The following MPDZ variants were observed in gnomAD, a reference collection of about 807,000 sequenced individuals.
MPDZ encodes multiple PDZ domain protein.
Under a neutral mutation model 239.1 loss-of-function variants are expected in MPDZ, and 234 were observed. That is an observed-to-expected ratio of 0.98 (90% CI 0.88 to 1.09). The LOEUF (loss-of-function observed/expected upper bound fraction) is 1.09, where lower values mean the gene tolerates loss of function less well. Ranked by LOEUF, MPDZ falls within the 50% of genes least tolerant of loss-of-function variation. The pLI is 0.00. For synonymous variants in MPDZ, 1,048 were observed against 881.3 expected (o/e 1.19, Z -3.35); for missense variants, 3,175 against 2,510.0 (o/e 1.26, Z -5.66).
intron 27 of MPDZ, among the ~76,000 whole-genome samples, chr9:13,141,146 A>C (rs762582285): frequency 1.4e-4 from 21 of 152,126 alleles, no homozygotes; most frequent in Non-Finnish European, 2.2e-4. Context: ...TATATTGCAA[A>C]AATAATTGCA....
Position 13,115,288 on chromosome 9 carries a change from C to A in MPDZ, c.5426G>T (p.Gly1809Val), listed in dbSNP as rs1291380186. Residue 1809 changes from glycine (G) to valine (V), a missense_variant, in exon 40 of 47, where the codon GGT (glycine) becomes GTT (valine). Physicochemically the swap from Gly to Val is moderately radical, Grantham distance 109. Transcript: ENST00000319217. Reference protein sequence around the residue: ...VTLEVGRIKAGPFHSERRPSQ... With the variant: ...VTLEVGRIKAVPFHSERRPSQ... ...TGGCCTCCTCTCTGAATGGAATGGA[C>A]CAGCTTTGATTCTTCCAACTTCCAA... 19 of 1,612,618 alleles carry A rather than the reference C, an allele frequency of 1.2e-5. No individual in the cohort carries two copies. Among genetic ancestry groups the A allele is most frequent in the Middle Eastern group, 1.6e-4 (1 of 6,084 alleles).
rs1043070195 is a variant in MPDZ, at chr9:13,274,511, T to C, written c.-58+4889A>G. On this transcript the variant is annotated intron_variant, in intron 1 of 46. Coordinates refer to ENST00000319217, the MANE Select transcript of MPDZ (RefSeq NM_001378778.1). ...AGGCCAGAAGAAAAAAAGTAAGAGT[T>C]TGTCTCCTTTTATTTATTTATTTAT... 10 of 152,048 alleles carry C rather than the reference T, an allele frequency of 6.6e-5. 1 individual carries two copies. The highest frequency in any genetic ancestry group is 1.3e-4 in the Admixed American group (2 of 15,260). 9.4% of individuals were successfully genotyped at this position (152,048 alleles called of 1,614,324 possible). A position where few individuals can be genotyped will look rare whatever the true frequency, so the allele number is the denominator to read the frequency against.
At chr9:13,265,633 T>C (rs1971626912) in intron 1 of MPDZ, among the ~76,000 whole-genome samples, 1 of 152,162 alleles carries the variant, frequency 6.6e-6, no homozygotes, top group South Asian at 2.1e-4. Flanking sequence ...CCCAGAAATA[T>C]AGTTGGCAGC....
At chr9:13,173,612 T>C (rs888979984) in intron 21 of MPDZ, among the ~76,000 whole-genome samples, 3 of 151,018 alleles carry the variant, frequency 2.0e-5, no homozygotes, top group Admixed American at 6.6e-5. Context: ...CTGAGAGGGA[T>C]GAGAATTGCT....
In MPDZ at chr9:13,216,645, T is replaced by C. The variant is rs573699673; in HGVS notation, c.1290+129A>G. The C allele has an allele frequency of 6.9e-4, 397 of 573,212 alleles. 1 individual carries two copies. The highest frequency in any genetic ancestry group is 2.3e-3 in the Admixed American group (68 of 30,182). The allele number at this position is 573,212 out of a possible 1,614,324, so 35.5% of individuals were successfully genotyped here. A position where few individuals can be genotyped will look rare whatever the true frequency, so the allele number is the denominator to read the frequency against. On this transcript the variant is annotated intron_variant, in intron 10 of 46. Coordinates refer to ENST00000319217, the MANE Select transcript of MPDZ (RefSeq NM_001378778.1). Reference sequence around the variant, plus strand: ...ATAATAGAAAGGGTAATTGTAATAATAGCCTCAAGTCACCAAAAAAGCTTA... The same window carrying C: ...ATAATAGAAAGGGTAATTGTAATAACAGCCTCAAGTCACCAAAAAAGCTTA...
At chr9:13,199,287 A>C (rs1956095512) in intron 12 of MPDZ, among the ~76,000 whole-genome samples, 1 of 151,834 alleles carries the variant, frequency 6.6e-6, no homozygotes, top group Admixed American at 6.6e-5. Context: ...AAATGGGATC[A>C]CTTTCTTGAT....
chr9:13,167,351 T>C (rs1435503498), intron 22 of MPDZ, among the ~76,000 whole-genome samples: 2 of 152,090 alleles, frequency 1.3e-5, no homozygotes, highest in Admixed American at 6.6e-5. Flanking sequence ...TGAAAGCCCA[T>C]TAGTGAAGAT....
At chr9:13,136,565 A>T (rs10809908) in intron 30 of MPDZ, 147 bp downstream of exon 30, 210,948 of 592,310 alleles carry the variant, frequency 0.36, 39,884 homozygotes, top group African/African-American at 0.56. Flanking sequence ...TGACCTCATG[A>T]TCCGCCCGCC....
At chr9:13,147,410 A>C in intron 26 of MPDZ, 138 bp downstream of exon 26, 1 of 622,388 alleles carries the variant, frequency 1.6e-6, no homozygotes. Flanking sequence ...CTGAGAAAGC[A>C]AAACAAACTT....
chr9:13,132,804 CTCA>C (rs1946200754), intron 32 of MPDZ, among the ~76,000 whole-genome samples: 1 of 152,118 alleles, frequency 6.6e-6, no homozygotes, highest in Admixed American at 6.6e-5. Context: ...AAGTCACAGT[CTCA>C]TAGATAGTGA....
chr9:13,160,871 A>ATATATATAT (rs1950401710), intron 23 of MPDZ, among the ~76,000 whole-genome samples: 7 of 25,610 alleles, frequency 2.7e-4, no homozygotes, highest in Non-Finnish European at 3.8e-4. Context: ...TATATATATA[A>ATATATATAT]AACAGGTACT....
chr9:13,188,041 C>G (rs1234199116), intron 17 of MPDZ, among the ~76,000 whole-genome samples: 1 of 152,128 alleles, frequency 6.6e-6, no homozygotes, highest in Non-Finnish European at 1.5e-5. Flanking sequence ...TTGAAGTCAA[C>G]TGAATTTAGC....
chr9:13,117,755 T>A (rs1943699252), intron 39 of MPDZ, among the ~76,000 whole-genome samples: 2 of 152,004 alleles, frequency 1.3e-5, no homozygotes, highest in South Asian at 4.1e-4. Context: ...AATGAACAAT[T>A]ACTAATAAAA....
chr9:13,219,872 A>G (rs1380902205), intron 7 of MPDZ, 104 bp from the exon 8 acceptor site: 2 of 1,051,106 alleles, frequency 1.9e-6, no homozygotes, highest in Non-Finnish European at 2.8e-6. Context: ...AATATGAGTT[A>G]CCAATCAGGA....
At chr9:13,274,757 G>C (rs1362180381) in intron 1 of MPDZ, 1 of 151,974 alleles carries the variant, frequency 6.6e-6, no homozygotes, top group Non-Finnish European at 1.5e-5. Flanking sequence ...AAGACAGACA[G>C]TTTTTAGATC....
chr9:13,137,397 T>C (rs918958577), intron 29 of MPDZ, among the ~76,000 whole-genome samples: 5 of 152,080 alleles, frequency 3.3e-5, no homozygotes, highest in Non-Finnish European at 7.4e-5. Flanking sequence ...GAGAAGAGTA[T>C]AAAGGCAGTA....
rs1322779284 is a variant in MPDZ, at chr9:13,205,994, G to A, written c.1396C>T (p.Gln466Ter). ...LLTLMRRGMK[Q>*]EAELMSREDV... is the part of the protein sequence containing the mutation. ...TCCCTTGACATGAGCTCGGCTTCCT[G>A]CTTCATTCCTCTCCTCATTAGTGTC... The change falls in exon 11 of 47, where the codon CAG (glutamine) becomes TAG (stop). Residue 466 changes from glutamine to a stop codon, truncating the protein, a stop_gained. Coordinates refer to ENST00000319217, the MANE Select transcript of MPDZ (RefSeq NM_001378778.1). LOFTEE classifies it high-confidence loss of function. 2 of 1,612,028 alleles carry A rather than the reference G, an allele frequency of 1.2e-6. No individual in the cohort carries two copies. The highest frequency in any genetic ancestry group is 1.1e-5 in the South Asian group (1 of 90,744).
At chr9:13,215,214 G>C (rs1039236616) in intron 10 of MPDZ, among the ~76,000 whole-genome samples, 1 of 151,750 alleles carries the variant, frequency 6.6e-6, no homozygotes, top group African/African-American at 2.4e-5. Context: ...AAATCGTACA[G>C]TATTTGTCTT....
Position 13,168,423 on chromosome 9 carries a change from G to C in MPDZ, c.3197C>G (p.Thr1066Ser), listed in dbSNP as rs752113225. 3 of 1,613,472 alleles carry C rather than the reference G, an allele frequency of 1.9e-6. No homozygotes were observed. The highest frequency in any genetic ancestry group is 1.7e-4 in the Middle Eastern group (1 of 6,058). ...SINEESTISVTNAQARAMLRR... is the reference protein window; with the variant it reads ...SINEESTISVSNAQARAMLRR... The stretch of plus-strand genomic sequence containing the variant: ...CAACATAGCTCGTGCCTGGGCATTG[G>C]TTACACTGATGGTAGACTCTTCATT... Residue 1066 changes from threonine (T) to serine (S), a missense_variant, in exon 22 of 47, where the codon ACC becomes AGC. By Grantham distance (58) the Thr-to-Ser change is moderately conservative. Coordinates refer to ENST00000319217, the MANE Select transcript of MPDZ (RefSeq NM_001378778.1).
Sources: gnomAD v4.1 joint callset for allele counts (sites outside exome capture counted in the v4.1 genomes callset) on GRCh38, gnomAD v4.1.1 for gene constraint, MANE v1.5 for transcripts, NCBI Gene and HGNC (gene_info 2026-07-23, HGNC 2026-07-21) for gene names.